Variants in IGF2BP3 observed in about 807,000 individuals in gnomAD.
IGF2BP3 encodes insulin like growth factor 2 mRNA binding protein 3.
Under a neutral mutation model 73.8 loss-of-function variants are expected in IGF2BP3, and 9 were observed. That is an observed-to-expected ratio of 0.12 (90% CI 0.07 to 0.21). The LOEUF (loss-of-function observed/expected upper bound fraction) is 0.21, where lower values mean the gene tolerates loss of function less well. Ranked by LOEUF, IGF2BP3 falls within the 10% of genes least tolerant of loss-of-function variation. The pLI is 1.00. For missense variants in IGF2BP3, 542 were observed against 714.0 expected (o/e 0.76, Z 2.75); for synonymous variants, 258 against 256.7 (o/e 1.01, Z -0.05).
At chr7:23,437,456 C>G (rs923705346) in intron 2 of IGF2BP3, among the ~76,000 whole-genome samples, 3 of 151,450 alleles carry the variant, frequency 2.0e-5, no homozygotes, top group Non-Finnish European at 4.4e-5. Flanking sequence ...GCATTCCAGC[C>G]TGGGGGACAA....
intron 2 of IGF2BP3, among the ~76,000 whole-genome samples, chr7:23,457,768 A>G (rs947276832): frequency 1.3e-5 from 2 of 152,218 alleles, no homozygotes; most frequent in African/African-American, 4.8e-5. Flanking sequence ...AAGCCCTGGG[A>G]ACTACTAGAG....
intron 10 of IGF2BP3, among the ~76,000 whole-genome samples, chr7:23,326,044 A>G (rs985150598): frequency 4.6e-5 from 7 of 152,190 alleles, no homozygotes; most frequent in African/African-American, 1.4e-4. Flanking sequence ...AGCAATGGCA[A>G]CAAAAGCCAA....
At chr7:23,316,674 CAAAAAAAAA>C (rs1271667588) in intron 12 of IGF2BP3, among the ~76,000 whole-genome samples, 1 of 50,122 alleles carries the variant, frequency 2.0e-5, no homozygotes, top group Non-Finnish European at 4.3e-5. Context: ...GACTCTGTCT[CAAAAAAAAA>C]AAAAAAAAAA....
intron 2 of IGF2BP3, among the ~76,000 whole-genome samples, chr7:23,443,195 G>C (rs1003975911): frequency 1.4e-5 from 2 of 141,078 alleles, no homozygotes; most frequent in East Asian, 2.1e-4. Context: ...GTGCGATCTC[G>C]GCTCACTGTA....
At chr7:23,394,716 A>C (rs1260023779) in intron 3 of IGF2BP3, 1 of 152,232 alleles carries the variant, frequency 6.6e-6, no homozygotes, top group African/African-American at 2.4e-5. Flanking sequence ...ATATAAGCAA[A>C]GGTCCTGTTT....
At chr7:23,449,554 C>CTTT (rs376571131) in intron 2 of IGF2BP3, among the ~76,000 whole-genome samples, 112 of 106,934 alleles carry the variant, frequency 1.0e-3, no homozygotes, top group African/African-American at 2.9e-3. Context: ...TTTTCTTTTT[C>CTTT]TTTTTTTTTT....
chr7:23,458,678 A>C (rs1254153024), intron 2 of IGF2BP3, among the ~76,000 whole-genome samples: 1 of 152,132 alleles, frequency 6.6e-6, no homozygotes, highest in Non-Finnish European at 1.5e-5. Context: ...TAAAAAACAC[A>C]TTGAAACAAA....
chr7:23,392,491 CAT>C (rs1340473704), intron 3 of IGF2BP3, among the ~76,000 whole-genome samples: 6 of 150,474 alleles, frequency 4.0e-5, no homozygotes, highest in African/African-American at 1.5e-4. Context: ...TATATACACA[CAT>C]ACACACATAT....
In IGF2BP3 at chr7:23,469,970, C is replaced by A. The variant is rs1788676694; in HGVS notation, c.141G>T (p.Glu47Asp). 6.2e-7 allele frequency: 1 copy of A among 1,612,050 alleles called. No homozygotes were observed. The highest frequency in any genetic ancestry group is 2.2e-5 in the East Asian group (1 of 44,840). Residue 47 changes from glutamate (E) to aspartate (D), a missense_variant, in exon 1 of 15, where the codon GAG becomes GAT. This residue lies in a region of IGF2BP3 where 239 missense variants were observed against 241.9 expected (regional missense o/e 0.99). Transcript: ENST00000258729. The surrounding 1 kb of genome is among the most constrained non-coding windows in gnomAD (Gnocchi z 6.1). ...CCTCGATGGCCTTGAGGGCCCAGCT[C>A]TCGTCCGGGCAGTCCACGAACGCGT... ...TGYAFVDCPD[E>D]SWALKAIEAL...
At chr7:23,314,184 A>T (rs867803046) in intron 12 of IGF2BP3, among the ~76,000 whole-genome samples, 90 of 127,844 alleles carry the variant, frequency 7.0e-4, no homozygotes, top group South Asian at 2.0e-3. Flanking sequence ...CACCTGACTT[A>T]TTTTTTTTTT....
At chr7:23,339,173 A>C (rs565733622) in intron 10 of IGF2BP3, among the ~76,000 whole-genome samples, 1 of 152,372 alleles carries the variant, frequency 6.6e-6, no homozygotes, top group South Asian at 2.1e-4. Context: ...GATTTAGCTT[A>C]AATGACAGGA....
At chr7:23,356,427 C>T (rs577778119) in intron 5 of IGF2BP3, among the ~76,000 whole-genome samples, 1 of 152,114 alleles carries the variant, frequency 6.6e-6, no homozygotes, top group Admixed American at 6.5e-5. Context: ...TGTAGTGGCA[C>T]ATGCCTGTAG....
In IGF2BP3 at chr7:23,312,168, C is replaced by G; in HGVS notation, c.*194G>C. The G allele has an allele frequency of 2.7e-6, 1 of 364,080 alleles. No homozygotes were observed. Among genetic ancestry groups the G allele is most frequent in the Non-Finnish European group, 5.1e-6 (1 of 195,434 alleles). The allele number at this position is 364,080 out of a possible 1,614,324, so 22.6% of individuals were successfully genotyped here. A position where few individuals can be genotyped will look rare whatever the true frequency, so the allele number is the denominator to read the frequency against. On this transcript the variant is annotated 3_prime_UTR_variant, in exon 15 of 15. Coordinates refer to ENST00000258729, the MANE Select transcript of IGF2BP3 (RefSeq NM_006547.3). The stretch of plus-strand genomic sequence containing the variant: ...GTTTGTTTGTTTTAAAGCTGGGTGT[C>G]ATACATTTCAGAGAGCATAAAGTAT...
chr7:23,407,315 A>G (rs999161708), intron 3 of IGF2BP3, among the ~76,000 whole-genome samples: 1 of 151,666 alleles, frequency 6.6e-6, no homozygotes, highest in Non-Finnish European at 1.5e-5. Context: ...AGCATAAGAA[A>G]AAAAAAAAAA....
rs79417995 is a variant in IGF2BP3, at chr7:23,317,893, T to C, written c.1321-180A>G. On this transcript the variant is annotated intron_variant, in intron 11 of 14. Transcript: ENST00000258729. ...ACAATTTAGGCCTCCCTCCTGCATA[T>C]ACTATATGCTTATTCTGTGCCGGGC... 5,062 of 615,912 alleles carry C rather than the reference T, an allele frequency of 8.2e-3. 133 individuals carry two copies. Among genetic ancestry groups the C allele is most frequent in the African/African-American group, 0.063 (3,445 of 54,964 alleles). 38.2% of individuals were successfully genotyped at this position (615,912 alleles called of 1,614,324 possible). A position where few individuals can be genotyped will look rare whatever the true frequency, so the allele number is the denominator to read the frequency against.
chr7:23,441,463 C>T (rs558960721), intron 2 of IGF2BP3, among the ~76,000 whole-genome samples: 1 of 150,440 alleles, frequency 6.6e-6, no homozygotes, highest in African/African-American at 2.4e-5. Context: ...GTTCCAGCTA[C>T]TTGGGAGGCT....
At chr7:23,317,076 C>T (rs1020581612) in intron 12 of IGF2BP3, among the ~76,000 whole-genome samples, 85 of 152,300 alleles carry the variant, frequency 5.6e-4, no homozygotes, top group Non-Finnish European at 2.1e-4. Flanking sequence ...TCAGCTCTAC[C>T]ATCTCTCAGT....
chr7:23,352,254 TG>T (rs898375818), intron 5 of IGF2BP3, among the ~76,000 whole-genome samples: 3 of 150,950 alleles, frequency 2.0e-5, no homozygotes, highest in Non-Finnish European at 4.4e-5. Context: ...CCACACTATT[TG>T]GGGGAGAGTT....
chr7:23,421,020 T>C (rs577478131), intron 2 of IGF2BP3, among the ~76,000 whole-genome samples: 1 of 152,278 alleles, frequency 6.6e-6, no homozygotes, highest in East Asian at 1.9e-4. Context: ...TTTTCTTTTG[T>C]GTGTGTGTGA....
Sources: allele counts gnomAD v4.1 joint callset (sites outside exome capture counted in the v4.1 genomes callset), GRCh38; gene constraint gnomAD v4.1.1; regional missense constraint gnomAD v4.1.1; non-coding constraint Gnocchi (gnomAD v3.1); transcripts MANE v1.5; gene names NCBI Gene and HGNC (gene_info 2026-07-23, HGNC 2026-07-21).